Variants in NUDCD1 observed in about 807,000 individuals in gnomAD.
NUDCD1 encodes the protein NudC domain containing 1, also known as nudC domain-containing protein 1.
In NUDCD1, 60 loss-of-function variants were observed where a neutral mutation model predicts 67.8. The ratio of observed to expected loss-of-function variants is 0.88; its 90% CI spans 0.72 to 1.10. The LOEUF is 1.10. Among genes scored for constraint, NUDCD1 ranks in the 50% least tolerant of loss-of-function variants. The pLI, the probability that NUDCD1 is intolerant of heterozygous loss-of-function variation, is 0.00. For synonymous variants in NUDCD1, 244 were observed against 230.8 expected (o/e 1.06, Z -0.52); for missense variants, 643 against 695.0 (o/e 0.93, Z 0.84).
At chr8:109,311,856 T>C (rs576355864) in intron 2 of NUDCD1, among the ~76,000 whole-genome samples, 9 of 151,966 alleles carry the variant, frequency 5.9e-5, no homozygotes, top group African/African-American at 1.9e-4. Flanking sequence ...GGGTGATGGC[T>C]TTACCAAAAT....
At chr8:109,310,494 T>G (rs1301380091) in intron 2 of NUDCD1, among the ~76,000 whole-genome samples, 1 of 152,208 alleles carries the variant, frequency 6.6e-6, no homozygotes, top group Non-Finnish European at 1.5e-5. Context: ...GACTTAAATC[T>G]AAGACCTGAA....
intron 6 of NUDCD1, 56 bp downstream of exon 6, chr8:109,280,912 T>TA (rs1022324220): frequency 3.5e-6 from 3 of 847,656 alleles, no homozygotes; most frequent in Non-Finnish European, 5.3e-6. Context: ...GTGGAAAGAG[T>TA]AAAAAGAAAA....
At chr8:109,275,667 T>C (rs530351348) in intron 6 of NUDCD1, among the ~76,000 whole-genome samples, 171 bp from the exon 7 acceptor site, 3 of 152,190 alleles carry the variant, frequency 2.0e-5, no homozygotes, top group Non-Finnish European at 4.4e-5. Flanking sequence ...GGAAAACCTA[T>C]AATCCAATGG....
chr8:109,289,655 T>G, intron 5 of NUDCD1, 96 bp downstream of exon 5: 1 of 619,812 alleles, frequency 1.6e-6, no homozygotes, highest in Non-Finnish European at 2.7e-6. Context: ...TGCATCTATC[T>G]TGCCCTTGTA....
In NUDCD1 at chr8:109,241,511, A is replaced by G. The variant is rs1245030063; in HGVS notation, c.*1498T>C. 6.6e-6 allele frequency: 1 copy of G among 152,094 alleles called. No homozygotes were observed. The highest frequency in any genetic ancestry group is 1.9e-4 in the East Asian group (1 of 5,192). The allele number at this position is 152,094 out of a possible 1,614,324, so 9.4% of individuals were successfully genotyped here. On this transcript the variant is annotated 3_prime_UTR_variant, in exon 10 of 10. Transcript: ENST00000239690. ...GGTTACTATACAGTTTTCCATCTCT[A>G]TGATCTCGTGATGTTTGGTATCTAG...
chr8:109,245,239 A>T (rs1335641713), intron 9 of NUDCD1, 83 bp downstream of exon 9: 6 of 1,364,986 alleles, frequency 4.4e-6, no homozygotes, highest in Non-Finnish European at 6.0e-6. Context: ...CTCAAATTAA[A>T]AAGAAAAAAA....
At chr8:109,302,030 C>A (rs530638280) in intron 2 of NUDCD1, among the ~76,000 whole-genome samples, 52 of 152,182 alleles carry the variant, frequency 3.4e-4, no homozygotes, top group Non-Finnish European at 7.4e-4. Context: ...CCTGTCTCTA[C>A]CCTCTCTTTT....
At chr8:109,281,879 A>T (rs1814446505) in intron 5 of NUDCD1, among the ~76,000 whole-genome samples, 1 of 152,106 alleles carries the variant, frequency 6.6e-6, no homozygotes, top group Non-Finnish European at 1.5e-5. Context: ...TGCCTGTTTC[A>T]ACAGCCTGAG....
chr8:109,270,651 T>C (rs1814127898), intron 8 of NUDCD1, among the ~76,000 whole-genome samples: 1 of 151,870 alleles, frequency 6.6e-6, no homozygotes. Flanking sequence ...ACCAACATCA[T>C]AGCATAATCC....
chr8:109,316,898 A>G (rs908817007), intron 2 of NUDCD1, among the ~76,000 whole-genome samples: 2 of 152,200 alleles, frequency 1.3e-5, no homozygotes, highest in Non-Finnish European at 2.9e-5. Context: ...CCAAGGTACA[A>G]TATGGTCTGA....
chr8:109,301,447 T>C (rs1814987845), intron 2 of NUDCD1, among the ~76,000 whole-genome samples: 1 of 152,208 alleles, frequency 6.6e-6, no homozygotes, highest in East Asian at 1.9e-4. Flanking sequence ...AACAGCCTTG[T>C]TGTTCACACA....
intron 6 of NUDCD1, among the ~76,000 whole-genome samples, chr8:109,280,601 T>A (rs1197345563): frequency 6.6e-6 from 1 of 152,206 alleles, no homozygotes; most frequent in Non-Finnish European, 1.5e-5. Flanking sequence ...TTTTGTATAT[T>A]TAAAATTTTA....
intron 5 of NUDCD1, 57 bp from the exon 6 acceptor site, chr8:109,281,229 A>G: frequency 9.0e-7 from 1 of 1,109,200 alleles, no homozygotes; most frequent in Non-Finnish European, 1.3e-6. Flanking sequence ...GCATACACAC[A>G]CACAAAACCT....
intron 8 of NUDCD1, among the ~76,000 whole-genome samples, chr8:109,266,775 CA>C (rs1253660045): frequency 3.3e-5 from 5 of 152,046 alleles, no homozygotes; most frequent in Admixed American, 6.6e-5. Flanking sequence ...TTTAATATTT[CA>C]GAGAAATATT....
intron 2 of NUDCD1, among the ~76,000 whole-genome samples, chr8:109,317,397 G>C (rs1431646832): frequency 4.6e-5 from 7 of 152,202 alleles, no homozygotes; most frequent in African/African-American, 1.7e-4. Flanking sequence ...AAGGAGAACT[G>C]GTAGAGCACT....
chr8:109,246,310 C>T (rs1472505584), intron 8 of NUDCD1, among the ~76,000 whole-genome samples: 1 of 152,138 alleles, frequency 6.6e-6, no homozygotes, highest in Non-Finnish European at 1.5e-5. Context: ...CATTTATAAC[C>T]AGGCATGTTA....
intron 8 of NUDCD1, among the ~76,000 whole-genome samples, chr8:109,247,505 GC>G: frequency 6.6e-6 from 1 of 152,168 alleles, no homozygotes; most frequent in Non-Finnish European, 1.5e-5. Flanking sequence ...GAAGGTAGGT[GC>G]CTTATTATGA....
intron 2 of NUDCD1, among the ~76,000 whole-genome samples, chr8:109,307,541 G>A (rs902043363): frequency 5.3e-5 from 8 of 152,106 alleles, no homozygotes; most frequent in Admixed American, 1.3e-4. Context: ...CCTGTTTAAA[G>A]CATAAATCAC....
chr8:109,295,534 T>C (rs142389322), intron 3 of NUDCD1, among the ~76,000 whole-genome samples: 1 of 152,288 alleles, frequency 6.6e-6, no homozygotes, highest in Admixed American at 6.5e-5. Flanking sequence ...TTAGTATAAC[T>C]TAGTAAGGTA....
Sources: gnomAD v4.1 joint callset for allele counts (sites outside exome capture counted in the v4.1 genomes callset) on GRCh38, gnomAD v4.1.1 for gene constraint, MANE v1.5 for transcripts, NCBI Gene and HGNC (gene_info 2026-07-23, HGNC 2026-07-21) for gene names.